PALLD: variants seen among roughly 807,000 people sequenced by gnomAD.
PALLD encodes palladin, cytoskeletal associated protein.
A neutral mutation model predicts 123.5 loss-of-function variants in PALLD; 61 were observed. The observed-to-expected ratio is 0.49, with a 90% CI of 0.40 to 0.61. The LOEUF is 0.61. Ranked by LOEUF, PALLD falls within the 20% of genes least tolerant of loss-of-function variation. The probability of loss-of-function intolerance (pLI) is 0.00; values close to 1 mark genes in which losing one functional copy is unlikely to be tolerated. For synonymous variants in PALLD, 465 were observed against 496.4 expected (o/e 0.94, Z 0.84); for missense variants, 1,273 against 1,377.0 (o/e 0.92, Z 1.20).
intron 21 of PALLD, 84 bp from the exon 22 acceptor site, chr4:168,926,129 G>C (rs1762544010): frequency 8.6e-7 from 1 of 1,162,802 alleles, no homozygotes; most frequent in Admixed American, 2.8e-5. Flanking sequence ...CATCTATCTA[G>C]ACATTCTGTA....
At position 168,682,933 on chromosome 4, in the gene PALLD, A is replaced by T. The variant is rs574940128; in HGVS notation, c.1155-65A>T. 1.7e-4 allele frequency: 169 copies of T among 972,876 alleles called. No individual in the cohort carries two copies. The African/African-American group carries it at 2.5e-3, about 15-fold the overall frequency. 60.3% of individuals were successfully genotyped at this position (972,876 alleles called of 1,614,324 possible). A position where few individuals can be genotyped will look rare whatever the true frequency, so the allele number is the denominator to read the frequency against. On this transcript the variant is annotated intron_variant, in intron 4 of 21. Transcript: ENST00000505667. Reference sequence around the variant, plus strand: ...GTTTCAAGGAATTATTTCTGCTAAAAAAAAAAAACAAAAAAACGAAAACAA... The same window carrying T: ...GTTTCAAGGAATTATTTCTGCTAAATAAAAAAAACAAAAAAACGAAAACAA...
chr4:168,668,034 T>C (rs1262053928), intron 2 of PALLD, among the ~76,000 whole-genome samples, 156 bp from the exon 3 acceptor site: 2 of 152,240 alleles, frequency 1.3e-5, no homozygotes, highest in African/African-American at 4.8e-5. Context: ...ACAGTCTAAA[T>C]TGTAGAGTTT....
At chr4:168,922,106 C>T (rs112680375) in intron 18 of PALLD, among the ~76,000 whole-genome samples, 22 of 27,250 alleles carry the variant, frequency 8.1e-4, no homozygotes, top group African/African-American at 9.9e-4. Flanking sequence ...TATATATACA[C>T]ACACACACAC....
intron 2 of PALLD, among the ~76,000 whole-genome samples, chr4:168,653,653 CTT>C (rs1236700342): frequency 6.6e-6 from 1 of 152,204 alleles, no homozygotes; most frequent in Non-Finnish European, 1.5e-5. Flanking sequence ...GTATGCTGTT[CTT>C]TTCCTTCACA....
intron 2 of PALLD, among the ~76,000 whole-genome samples, chr4:168,591,268 G>A (rs1323074724): frequency 1.3e-5 from 2 of 152,164 alleles, no homozygotes; most frequent in East Asian, 1.9e-4. Flanking sequence ...CCACTCAATG[G>A]TGTTAGAGAG....
At chr4:168,708,912 G>A in intron 8 of PALLD, 116 bp from the exon 9 acceptor site, 1 of 921,724 alleles carries the variant, frequency 1.1e-6, no homozygotes, top group Admixed American at 1.8e-5. Context: ...TTTGTAAAGT[G>A]AATCTGTAAT....
intron 10 of PALLD, among the ~76,000 whole-genome samples, chr4:168,810,226 T>C (rs147589505): frequency 2.9e-4 from 44 of 152,068 alleles, no homozygotes; most frequent in African/African-American, 9.9e-4. Context: ...ATATAGACCA[T>C]GTTTTTAAAA....
At chr4:168,751,916 G>C (rs1731108403) in intron 10 of PALLD, among the ~76,000 whole-genome samples, 1 of 152,148 alleles carries the variant, frequency 6.6e-6, no homozygotes, top group South Asian at 2.1e-4. Flanking sequence ...AAAACCAAGG[G>C]AGATGAAATA....
chr4:168,503,646 C>CAAAA (rs35693126), intron 1 of PALLD, among the ~76,000 whole-genome samples: 3 of 111,712 alleles, frequency 2.7e-5, no homozygotes, highest in Non-Finnish European at 3.9e-5. Context: ...GACTCCATCT[C>CAAAA]AAAAAAAAAA....
chr4:168,732,014 A>T (rs1329620469), intron 10 of PALLD, among the ~76,000 whole-genome samples: 1 of 152,214 alleles, frequency 6.6e-6, no homozygotes, highest in Non-Finnish European at 1.5e-5. Context: ...GAAAATTAAT[A>T]CTTAACTTGT....
intron 8 of PALLD, among the ~76,000 whole-genome samples, chr4:168,701,643 T>G (rs1783679357): frequency 6.6e-6 from 1 of 152,194 alleles, no homozygotes; most frequent in South Asian, 2.1e-4. Flanking sequence ...AGGCACAGAA[T>G]TATGTCTATG....
In PALLD at chr4:168,658,285, GTT is replaced by G. The variant is rs66527351; in HGVS notation, c.909-9889_909-9888del. Among the ~76,000 whole-genome samples, 725 of 131,608 alleles carry G rather than the reference GTT, an allele frequency of 5.5e-3. 4 individuals carry two copies. Among genetic ancestry groups the G allele is most frequent in the African/African-American group, 0.02 (652 of 33,108 alleles). 86.3% of individuals were successfully genotyped at this position (131,608 alleles called of 152,430 possible). A position where few individuals can be genotyped will look rare whatever the true frequency, so the allele number is the denominator to read the frequency against. On this transcript the variant is annotated intron_variant, in intron 2 of 21. Transcript: ENST00000505667. ...TTTGTTGGTGGTGGGTTTTTATTTG[GTT>G]TTTTTTTTTTTTTTTGTGATGAGAT...
chr4:168,671,016 T>C (rs924969893), intron 3 of PALLD, among the ~76,000 whole-genome samples: 9 of 28,498 alleles, frequency 3.2e-4, no homozygotes, highest in Non-Finnish European at 6.2e-4. Context: ...AGGCTCAGTC[T>C]CAAAAAAAAG....
intron 2 of PALLD, among the ~76,000 whole-genome samples, chr4:168,543,182 C>T (rs1164926255): frequency 6.6e-6 from 1 of 152,130 alleles, no homozygotes; most frequent in Non-Finnish European, 1.5e-5. Flanking sequence ...GAGAACGTCA[C>T]TTGCCTTGTC....
chr4:168,739,889 G>C (rs1043916750), intron 10 of PALLD, among the ~76,000 whole-genome samples: 4 of 152,098 alleles, frequency 2.6e-5, no homozygotes, highest in African/African-American at 9.7e-5. Flanking sequence ...TAGAATTCTT[G>C]TCCCTTTGTT....
chr4:168,689,437 T>C (rs1328118548), intron 6 of PALLD, among the ~76,000 whole-genome samples: 1 of 84,132 alleles, frequency 1.2e-5, no homozygotes, highest in Non-Finnish European at 2.3e-5. Context: ...ATATTCTTTT[T>C]TTTTTTTTTT....
chr4:168,499,180 CAAAAAAAAAAAAAAA>C (rs1157137965), intron 1 of PALLD, among the ~76,000 whole-genome samples: 8 of 16,382 alleles, frequency 4.9e-4, no homozygotes, highest in African/African-American at 2.0e-3. Flanking sequence ...CCCTTTGTAG[CAAAAAAAAAAAAAAA>C]AAAAAAAAAA....
At chr4:168,860,149 A>G (rs1749238143) in intron 10 of PALLD, among the ~76,000 whole-genome samples, 1 of 152,136 alleles carries the variant, frequency 6.6e-6, no homozygotes, top group Non-Finnish European at 1.5e-5. Context: ...ATTGATGATA[A>G]TTACTCTAAA....
At chr4:168,498,884 C>T (rs954323207) in intron 1 of PALLD, among the ~76,000 whole-genome samples, 3 of 151,938 alleles carry the variant, frequency 2.0e-5, no homozygotes, top group Admixed American at 6.6e-5. Context: ...ATAAGATGAA[C>T]AGGACATGGG....
Sources: allele counts gnomAD v4.1 joint callset (sites outside exome capture counted in the v4.1 genomes callset), GRCh38; gene constraint gnomAD v4.1.1; transcripts MANE v1.5; gene names NCBI Gene and HGNC (gene_info 2026-07-23, HGNC 2026-07-21).